The following AGAP3 variants were observed in gnomAD, a reference collection of about 807,000 sequenced individuals.
AGAP3 encodes the protein ArfGAP with GTPase domain, ankyrin repeat and PH domain 3.
A neutral mutation model predicts 96.9 loss-of-function variants in AGAP3; 24 were observed. The ratio of observed to expected loss-of-function variants is 0.25; its 90% confidence interval spans 0.18 to 0.35. The LOEUF is 0.35. Ranked by LOEUF, AGAP3 falls within the 10% of genes least tolerant of loss-of-function variation. The pLI is 1.00. For missense variants in AGAP3, 876 were observed against 1,254.2 expected (o/e 0.70, Z 4.55); for synonymous variants, 563 against 536.1 (o/e 1.05, Z -0.69).
chr7:151,093,078 A>G (rs973981473), intron 1 of AGAP3, among the ~76,000 whole-genome samples: 5 of 152,196 alleles, frequency 3.3e-5, no homozygotes, highest in Non-Finnish European at 1.5e-5. Context: ...TGTAGCGTAC[A>G]ATAGACAGAT....
chr7:151,089,271 C>T (rs1295723679), intron 1 of AGAP3, among the ~76,000 whole-genome samples: 1 of 152,260 alleles, frequency 6.6e-6, no homozygotes, highest in Admixed American at 6.5e-5. Flanking sequence ...AGCGGTGTCC[C>T]CACCTTCTTT....
At chr7:151,104,792 T>C (rs1308380010) in intron 1 of AGAP3, among the ~76,000 whole-genome samples, 1 of 152,226 alleles carries the variant, frequency 6.6e-6, no homozygotes, top group African/African-American at 2.4e-5. Flanking sequence ...CAGGTATTGA[T>C]TACCGCCTTG....
chr7:151,142,265 G>C lies in AGAP3; in HGVS notation c.2050+12G>C. Reference sequence around the variant, plus strand: ...CTGCGATGCACCCAGTGAGTGCAAGGCTGGTGGGGCTGGGAGCTGGGGATG... The same window carrying C: ...CTGCGATGCACCCAGTGAGTGCAAGCCTGGTGGGGCTGGGAGCTGGGGATG... On this transcript the variant is annotated intron_variant, in intron 15 of 17. Transcript: ENST00000397238. The surrounding 1 kb of genome is among the most constrained non-coding windows in gnomAD (Gnocchi z 7.5). 6.2e-7 allele frequency: 1 copy of C among 1,611,688 alleles called. No homozygotes were observed. The highest frequency in any genetic ancestry group is 8.5e-7 in the Non-Finnish European group (1 of 1,179,338).
At chr7:151,092,725 T>A (rs1200334361) in intron 1 of AGAP3, among the ~76,000 whole-genome samples, 4 of 152,162 alleles carry the variant, frequency 2.6e-5, no homozygotes, top group African/African-American at 9.7e-5. Flanking sequence ...ATTAAGTAAC[T>A]TTCCTGAAGC....
chr7:151,124,005 ACCCT>A, intron 9 of AGAP3, 119 bp downstream of exon 9: 1 of 1,034,040 alleles, frequency 9.7e-7, no homozygotes, highest in Middle Eastern at 3.1e-4. Context: ...GGCCAGCACC[ACCCT>A]CCTAGGCGGA....
intron 1 of AGAP3, among the ~76,000 whole-genome samples, chr7:151,094,021 G>A (rs1047739925): frequency 2.0e-5 from 3 of 152,212 alleles, no homozygotes; most frequent in African/African-American, 4.8e-5. Context: ...TTTGAGATGC[G>A]CCCCCCTTGG....
chr7:151,115,066 C>A (rs1314464021), intron 1 of AGAP3: 17 of 1,014,696 alleles, frequency 1.7e-5, no homozygotes, highest in Admixed American at 5.8e-5. Context: ...GTCTCGCCTG[C>A]GCCCAGCCCC....
At chr7:151,104,641 C>A (rs1201814559) in intron 1 of AGAP3, among the ~76,000 whole-genome samples, 1 of 151,998 alleles carries the variant, frequency 6.6e-6, no homozygotes, top group South Asian at 2.1e-4. Context: ...AGACTGCTGG[C>A]GCACAGGGTG....
chr7:151,095,522 CA>C (rs1798568210), intron 1 of AGAP3, among the ~76,000 whole-genome samples: 1 of 152,058 alleles, frequency 6.6e-6, no homozygotes, highest in Non-Finnish European at 1.5e-5. Flanking sequence ...AAGCCTGTCA[CA>C]GGGGCAGAGG....
chr7:151,127,470 T>C (rs769393888), intron 9 of AGAP3, among the ~76,000 whole-genome samples: 2 of 152,142 alleles, frequency 1.3e-5, no homozygotes, highest in African/African-American at 4.8e-5. Context: ...AGTTTGTGGA[T>C]CTACCTGTGC....
chr7:151,094,171 G>A (rs1049465504), intron 1 of AGAP3, among the ~76,000 whole-genome samples: 1 of 152,194 alleles, frequency 6.6e-6, no homozygotes, highest in African/African-American at 2.4e-5. Context: ...CCAACGCGGT[G>A]TGCTTAGAAC....
In AGAP3 at chr7:151,143,690, TCTC is replaced by T; in HGVS notation, c.2530-42_2530-40del. ...TCTTTCCTCCCCTACAACCAATCTC[TCTC>T]CTCCCATGTCTTGCCAACTGTCAAC... On this transcript the variant is annotated intron_variant, in intron 17 of 17. Coordinates refer to ENST00000397238, the MANE Select transcript of AGAP3 (RefSeq NM_031946.7). The surrounding 1 kb of genome is among the most constrained non-coding windows in gnomAD (Gnocchi z 5.9). 4 of 1,612,234 alleles carry T rather than the reference TCTC, an allele frequency of 2.5e-6. No individual in the cohort carries two copies. The highest frequency in any genetic ancestry group is 3.4e-6 in the Non-Finnish European group (4 of 1,178,506).
chr7:151,142,567 G>A lies in AGAP3; in HGVS notation c.2206G>A (p.Ala736Thr), dbSNP rs1163994686. ...GGCTGTCATGACTGCCATGGGCAAT[G>A]CCCTCGCCAACAGCGTCTGGGAGGG... ...LLAVMTAMGNALANSVWEGAL... is the reference protein window; with the variant it reads ...LLAVMTAMGNTLANSVWEGAL... The change falls in exon 16 of 18, where the codon GCC becomes ACC. Residue 736 changes from alanine (A) to threonine (T), a missense_variant. This residue lies in a region of AGAP3 where 213 missense variants were observed against 253.8 expected (regional missense o/e 0.84). Coordinates refer to ENST00000397238, the MANE Select transcript of AGAP3 (RefSeq NM_031946.7). The surrounding 1 kb of genome is among the most constrained non-coding windows in gnomAD (Gnocchi z 7.5). 1.2e-5 allele frequency: 20 copies of A among 1,613,686 alleles called. No individual in the cohort carries two copies. The highest frequency in any genetic ancestry group is 1.7e-4 in the Middle Eastern group (1 of 6,030).
In AGAP3 at chr7:151,141,770, A is replaced by G; in HGVS notation, c.1805-128A>G. On this transcript the variant is annotated intron_variant, in intron 13 of 17. Coordinates refer to ENST00000397238, the MANE Select transcript of AGAP3 (RefSeq NM_031946.7). This position sits in a 1 kb window ranked among gnomAD's most constrained non-coding sequence, Gnocchi z 4.2. ...GCTGTCCTGGAGTGTGTGGCCTTGC[A>G]GCTGGGGAAGGGTCTAGGGGAGGAC... The G allele has an allele frequency of 8.3e-7, 1 of 1,209,578 alleles. No individual in the cohort carries two copies. 74.9% of individuals were successfully genotyped at this position (1,209,578 alleles called of 1,614,324 possible). A position where few individuals can be genotyped will look rare whatever the true frequency, so the allele number is the denominator to read the frequency against.
At chr7:151,126,425 G>A (rs930449639) in intron 9 of AGAP3, among the ~76,000 whole-genome samples, 65 of 70,022 alleles carry the variant, frequency 9.3e-4, no homozygotes, top group Non-Finnish European at 1.1e-3. Context: ...GCTGGGAGAG[G>A]CTGGGAGAGG....
At chr7:151,126,041 C>T (rs1298340443) in intron 9 of AGAP3, among the ~76,000 whole-genome samples, 4 of 74,406 alleles carry the variant, frequency 5.4e-5, no homozygotes, top group Non-Finnish European at 9.7e-5. Context: ...GTCCGCTTCC[C>T]GGGAGCGGGC....
intron 1 of AGAP3, among the ~76,000 whole-genome samples, chr7:151,111,108 G>C (rs532801749): frequency 6.6e-6 from 1 of 152,180 alleles, no homozygotes; most frequent in Non-Finnish European, 1.5e-5. Flanking sequence ...CCTGGGGGGC[G>C]AAGGGGTCTT....
intron 1 of AGAP3, among the ~76,000 whole-genome samples, chr7:151,098,743 T>C (rs1192523900): frequency 6.7e-6 from 1 of 149,336 alleles, no homozygotes. Flanking sequence ...CTTTTTTTTT[T>C]TTTTTTTTTG....
At chr7:151,128,757 G>C in intron 10 of AGAP3, 73 bp downstream of exon 10, 1 of 1,303,196 alleles carries the variant, frequency 7.7e-7, no homozygotes, top group South Asian at 1.2e-5. Flanking sequence ...AATGCGGGTA[G>C]CAGACAGGCT....
Sources: allele counts gnomAD v4.1 joint callset (sites outside exome capture counted in the v4.1 genomes callset), GRCh38; gene constraint gnomAD v4.1.1; regional missense constraint gnomAD v4.1.1; non-coding constraint Gnocchi (gnomAD v3.1); transcripts MANE v1.5; gene names NCBI Gene and HGNC (gene_info 2026-07-23, HGNC 2026-07-21).